The following CCDC178 variants were observed in gnomAD, a reference collection of about 807,000 sequenced individuals.
The protein encoded by CCDC178 is coiled-coil domain containing 178.
Under a neutral mutation model 117.4 loss-of-function variants are expected in CCDC178, and 126 were observed. The observed-to-expected ratio is 1.07, with a 90% confidence interval of 0.93 to 1.24. The LOEUF (loss-of-function observed/expected upper bound fraction) is 1.24. Among genes scored for constraint, CCDC178 ranks in the 50% most tolerant of loss-of-function variants. CCDC178 has a pLI of 0.00. For missense variants in CCDC178, 1,030 were observed against 986.9 expected, an observed-to-expected ratio of 1.04 and a Z score of -0.59; for synonymous variants, 283 against 313.4, an observed-to-expected ratio of 0.90 and a Z score of 1.02.
intron 6 of CCDC178, among the ~76,000 whole-genome samples, chr18:33,368,806 T>G (rs781124214): frequency 6.6e-6 from 1 of 152,056 alleles, no homozygotes; most frequent in Non-Finnish European, 1.5e-5. Context: ...ACATAATGTC[T>G]GACTTATATT....
chr18:32,951,990 C>G (rs960311576), intron 22 of CCDC178, among the ~76,000 whole-genome samples: 1 of 152,214 alleles, frequency 6.6e-6, no homozygotes, highest in African/African-American at 2.4e-5. Flanking sequence ...GTCTCATATC[C>G]AGGTCATGCT....
intron 6 of CCDC178, 132 bp downstream of exon 6, chr18:33,369,918 G>A (rs769197422): frequency 2.7e-6 from 2 of 737,632 alleles, no homozygotes; most frequent in Non-Finnish European, 4.1e-6. Context: ...TGATGCAACT[G>A]AGCAAAGATT....
chr18:33,156,698 T>C (rs1336837109), intron 20 of CCDC178, among the ~76,000 whole-genome samples: 1 of 151,472 alleles, frequency 6.6e-6, no homozygotes, highest in Admixed American at 6.6e-5. Flanking sequence ...ACTGAATTGT[T>C]TCAGATGCTG....
intron 14 of CCDC178, among the ~76,000 whole-genome samples, chr18:33,258,752 A>T (rs2059709008): frequency 6.6e-6 from 1 of 152,180 alleles, no homozygotes; most frequent in Admixed American, 6.5e-5. Flanking sequence ...AGTCCTAAGT[A>T]TAAACTTACA....
chr18:32,998,269 G>C (rs904255914), intron 21 of CCDC178, among the ~76,000 whole-genome samples: 2 of 152,202 alleles, frequency 1.3e-5, no homozygotes, highest in African/African-American at 2.4e-5. Flanking sequence ...CTCATGGAGG[G>C]AGCATTTAGA....
intron 11 of CCDC178, among the ~76,000 whole-genome samples, chr18:33,294,654 G>GACTTAC (rs1451832633): frequency 6.6e-6 from 1 of 152,164 alleles, no homozygotes; most frequent in African/African-American, 2.4e-5. Flanking sequence ...GCAGAGTATA[G>GACTTAC]ACTTACCTGT....
At chr18:33,120,824 GTATT>G (rs1453138224) in intron 20 of CCDC178, among the ~76,000 whole-genome samples, 1 of 151,944 alleles carries the variant, frequency 6.6e-6, no homozygotes, top group South Asian at 2.1e-4. Context: ...TATTATCTCA[GTATT>G]TATTTAAGTT....
chr18:33,050,142 G>T (rs1370057942), intron 21 of CCDC178, among the ~76,000 whole-genome samples: 3 of 152,002 alleles, frequency 2.0e-5, no homozygotes, highest in Admixed American at 6.6e-5. Context: ...TTATTTATTT[G>T]TTTAATTTGT....
intron 21 of CCDC178, among the ~76,000 whole-genome samples, chr18:33,034,502 T>C (rs2056405858): frequency 6.6e-6 from 1 of 152,056 alleles, no homozygotes. Flanking sequence ...ATTTTTCCTG[T>C]TTGACCTTTA....
chr18:33,066,309 A>G (rs913747340), intron 21 of CCDC178, among the ~76,000 whole-genome samples: 1 of 151,992 alleles, frequency 6.6e-6, no homozygotes, highest in African/African-American at 2.4e-5. Context: ...AGGAAAACAA[A>G]GGAAAGTATA....
Position 33,226,838 on chromosome 18 carries a change from C to T in CCDC178, c.1611G>A (p.Leu537=). 6.2e-7 allele frequency: 1 copy of T among 1,600,222 alleles called. No individual in the cohort carries two copies. The highest frequency in any genetic ancestry group is 2.3e-5 in the East Asian group (1 of 44,234). The change falls in exon 16 of 23, where the codon CTG becomes CTA. Residue 537 remains leucine (L), a synonymous_variant. Coordinates refer to ENST00000383096, the MANE Select transcript of CCDC178 (RefSeq NM_001105528.4). ...RRKFKGREEF[L]KKLTQGEVAA... ...CCACTTCACCTTGAGTGAGTTTTTTCAGGAATTCTTCTCTACCCTATATGT... is the reference window on the plus strand; with the variant it reads ...CCACTTCACCTTGAGTGAGTTTTTTTAGGAATTCTTCTCTACCCTATATGT...
At chr18:33,185,558 C>T (rs887202732) in intron 20 of CCDC178, among the ~76,000 whole-genome samples, 3 of 151,864 alleles carry the variant, frequency 2.0e-5, no homozygotes, top group Non-Finnish European at 4.4e-5. Flanking sequence ...TCCTTTGGAA[C>T]ATTTTTAAAA....
At chr18:33,026,449 C>G (rs1196927352) in intron 21 of CCDC178, among the ~76,000 whole-genome samples, 12 of 152,062 alleles carry the variant, frequency 7.9e-5, no homozygotes, top group Non-Finnish European at 1.5e-5. Flanking sequence ...TTAACTGAAA[C>G]TTTAAAAAAT....
At chr18:33,100,433 G>A (rs2057608260) in intron 20 of CCDC178, among the ~76,000 whole-genome samples, 1 of 151,934 alleles carries the variant, frequency 6.6e-6, no homozygotes, top group South Asian at 2.1e-4. Flanking sequence ...GGCAGAAGGA[G>A]CTTGCAATCA....
intron 12 of CCDC178, among the ~76,000 whole-genome samples, chr18:33,278,543 A>G (rs1438282091): frequency 6.6e-6 from 1 of 152,004 alleles, no homozygotes; most frequent in Non-Finnish European, 1.5e-5. Context: ...TATATATGGA[A>G]TCAAATTTTA....
At chr18:33,375,563 T>C (rs908328211) in intron 5 of CCDC178, among the ~76,000 whole-genome samples, 6 of 152,138 alleles carry the variant, frequency 3.9e-5, no homozygotes, top group African/African-American at 9.7e-5. Context: ...CATTGAGAAG[T>C]TGATATACCA....
chr18:32,992,516 G>A (rs2055415272), intron 21 of CCDC178, among the ~76,000 whole-genome samples: 1 of 152,138 alleles, frequency 6.6e-6, no homozygotes, highest in Non-Finnish European at 1.5e-5. Flanking sequence ...TACAGAAAAT[G>A]GAAGAGAAAA....
intron 21 of CCDC178, among the ~76,000 whole-genome samples, chr18:33,089,480 A>G (rs1394814816): frequency 6.6e-6 from 1 of 152,172 alleles, no homozygotes; most frequent in Non-Finnish European, 1.5e-5. Context: ...TAGCACAAAT[A>G]CTTTGTCCAC....
chr18:33,388,852 A>T (rs947276171), intron 5 of CCDC178, among the ~76,000 whole-genome samples: 6 of 152,054 alleles, frequency 3.9e-5, no homozygotes, highest in African/African-American at 1.2e-4. Context: ...CATGGATGAA[A>T]CTGGAAGCCA....
Sources: allele counts gnomAD v4.1 joint callset (sites outside exome capture counted in the v4.1 genomes callset), GRCh38; gene constraint gnomAD v4.1.1; transcripts MANE v1.5; gene names NCBI Gene and HGNC (gene_info 2026-07-23, HGNC 2026-07-21).